Variants in GGH observed in about 807,000 individuals in gnomAD.
GGH encodes the protein gamma-glutamyl hydrolase.
A neutral mutation model predicts 39.2 loss-of-function variants in GGH; 18 were observed. That is an observed-to-expected ratio of 0.46 (90% CI 0.32 to 0.68). The LOEUF is 0.68. Ranked by LOEUF, GGH falls within the 30% of genes least tolerant of loss-of-function variation. GGH has a pLI of 0.04. For synonymous variants in GGH, 147 were observed against 138.8 expected (o/e 1.06, Z -0.42); for missense variants, 367 against 384.1 (o/e 0.96, Z 0.37).
chr8:63,026,374 C>G (rs1328087783), intron 4 of GGH, 78 bp from the exon 5 acceptor site: 1 of 1,063,694 alleles, frequency 9.4e-7, no homozygotes, highest in Non-Finnish European at 1.4e-6. Context: ...TTTGTCATAA[C>G]CAAATAGGCA....
At chr8:63,027,054 A>G in intron 4 of GGH, 127 bp downstream of exon 4, 1 of 688,522 alleles carries the variant, frequency 1.5e-6, no homozygotes. Flanking sequence ...AGGCACCTCA[A>G]AATTAAAGGT....
intron 7 of GGH, among the ~76,000 whole-genome samples, chr8:63,018,592 C>T (rs1300431038): frequency 6.6e-6 from 1 of 152,172 alleles, no homozygotes; most frequent in African/African-American, 2.4e-5. Flanking sequence ...GAAACACCTG[C>T]CTCATGCAGC....
rs1804703085 is a variant in GGH, at chr8:63,027,207, T to C, written c.334A>G (p.Lys112Glu). ...TGTATGGACAAGTTATAAAATATTTTGGCCACTTTAGCATAATCTGAGCGT... is the reference window on the plus strand; with the variant it reads ...TGTATGGACAAGTTATAAAATATTTCGGCCACTTTAGCATAATCTGAGCGT... ...LRRSDYAKVA[K>E]IFYNLSIQSF... The change falls in exon 4 of 9, where the codon AAA becomes GAA. Residue 112 changes from lysine (K) to glutamate (E), a missense_variant. Coordinates refer to ENST00000260118, the MANE Select transcript of GGH (RefSeq NM_003878.3). 2 of 1,541,098 alleles carry C rather than the reference T, an allele frequency of 1.3e-6. No individual in the cohort carries two copies. The highest frequency in any genetic ancestry group is 1.8e-6 in the Non-Finnish European group (2 of 1,113,718).
At chr8:63,021,244 T>C (rs957470493) in intron 7 of GGH, among the ~76,000 whole-genome samples, 2 of 152,254 alleles carry the variant, frequency 1.3e-5, no homozygotes, top group African/African-American at 2.4e-5. Flanking sequence ...CTGATTTTAA[T>C]AGCTGTATAG....
intron 5 of GGH, among the ~76,000 whole-genome samples, chr8:63,025,782 G>A (rs1180363459): frequency 1.3e-5 from 2 of 152,028 alleles, no homozygotes; most frequent in East Asian, 1.9e-4. Context: ...ACCCCTAAGC[G>A]TTATTAGACC....
chr8:63,021,075 C>G (rs932036805), intron 7 of GGH, among the ~76,000 whole-genome samples: 2 of 152,170 alleles, frequency 1.3e-5, no homozygotes, highest in Non-Finnish European at 1.5e-5. Flanking sequence ...ATTCATCACC[C>G]CAACCTTTCC....
Position 63,038,596 on chromosome 8 carries a change from G to C in GGH, c.109+64C>G, listed in dbSNP as rs984309426. ...ACGCGCCAGCTGGAGCGCGGCGGCG[G>C]GAGGCGCCCAGCGCCAACACCCAGC... is the stretch of plus-strand genomic sequence containing the variant. On this transcript the variant is annotated intron_variant, in intron 1 of 8. Transcript: ENST00000260118. The C allele has an allele frequency of 5.9e-6, 5 of 846,818 alleles. No homozygotes were observed. The African/African-American group carries it at 8.8e-5, about 15-fold the overall frequency. The allele number at this position is 846,818 out of a possible 1,614,324, so 52.5% of individuals were successfully genotyped here.
intron 7 of GGH, among the ~76,000 whole-genome samples, chr8:63,020,797 C>T (rs1804571462): frequency 2.0e-5 from 3 of 152,160 alleles, no homozygotes; most frequent in African/African-American, 4.8e-5. Context: ...TAAATCTAGA[C>T]TTCATCCTCC....
At chr8:63,026,107 C>G in intron 5 of GGH, 51 bp downstream of exon 5, 1 of 1,448,098 alleles carries the variant, frequency 6.9e-7, no homozygotes, top group Non-Finnish European at 9.3e-7. Context: ...TTGCTACTTA[C>G]TAATCCTGCC....
intron 7 of GGH, chr8:63,023,678 T>C: frequency 3.2e-6 from 1 of 308,566 alleles, no homozygotes; most frequent in Non-Finnish European, 5.9e-6. Flanking sequence ...TCTTCATCCT[T>C]GCCCCCTTTA....
At chr8:63,024,814 C>G (rs894399329) in intron 5 of GGH, 1 of 152,226 alleles carries the variant, frequency 6.6e-6, no homozygotes, top group Non-Finnish European at 1.5e-5. Flanking sequence ...TTACTAGAGA[C>G]TTCCATGAAA....
At chr8:63,025,979 G>C (rs944520825) in intron 5 of GGH, among the ~76,000 whole-genome samples, 179 bp downstream of exon 5, 3 of 152,164 alleles carry the variant, frequency 2.0e-5, no homozygotes, top group African/African-American at 7.2e-5. Flanking sequence ...ATGAGTACAA[G>C]GATGGTCATT....
At chr8:63,021,830 C>T (rs556078776) in intron 7 of GGH, among the ~76,000 whole-genome samples, 4 of 151,918 alleles carry the variant, frequency 2.6e-5, no homozygotes, top group East Asian at 1.9e-4. Context: ...TGCGCCACCA[C>T]GCCTGGCTAA....
chr8:63,026,899 G>A, intron 4 of GGH: 2 of 349,628 alleles, frequency 5.7e-6, no homozygotes, highest in South Asian at 1.0e-4. Context: ...AGGACAGAGA[G>A]AGACATCAGA....
At chr8:63,018,714 C>T (rs1375703039) in intron 7 of GGH, among the ~76,000 whole-genome samples, 1 of 152,116 alleles carries the variant, frequency 6.6e-6, no homozygotes, top group African/African-American at 2.4e-5. Context: ...GGCTGGGGGA[C>T]TAGGAAATTG....
chr8:63,020,974 G>A (rs1332437692), intron 7 of GGH, among the ~76,000 whole-genome samples: 4 of 152,220 alleles, frequency 2.6e-5, no homozygotes, highest in East Asian at 1.9e-4. Context: ...AAGGTACATC[G>A]GATTGGGAGG....
rs1478249833 is a variant in GGH at position 63,017,623 on chromosome 8, C to T, written c.705G>A (p.Lys235=). ...GCCACTGGACACCATATACTGGATA[C>T]TTATATCCTGTAAGAAGAACACAAA... ...IEFISTMEGY[K]YPVYGVQWHP... Residue 235 remains lysine (K), a synonymous_variant, in exon 8 of 9, where the codon AAG becomes AAA. Coordinates refer to ENST00000260118, the MANE Select transcript of GGH (RefSeq NM_003878.3). The T allele has an allele frequency of 4.5e-6, 7 of 1,572,570 alleles. No homozygotes were observed. The highest frequency in any genetic ancestry group is 6.1e-6 in the Non-Finnish European group (7 of 1,151,792).
chr8:63,034,810 C>T (rs1804871895), intron 2 of GGH, among the ~76,000 whole-genome samples: 1 of 152,150 alleles, frequency 6.6e-6, no homozygotes, highest in East Asian at 1.9e-4. Flanking sequence ...TAAAAACCTC[C>T]TTCATTCCCT....
At chr8:63,017,752 T>A in intron 7 of GGH, 122 bp from the exon 8 acceptor site, 1 of 591,582 alleles carries the variant, frequency 1.7e-6, no homozygotes, top group Non-Finnish European at 2.9e-6. Context: ...GGTAAAATTG[T>A]ACATATTCTC....
Sources: gnomAD v4.1 joint callset for allele counts (sites outside exome capture counted in the v4.1 genomes callset) on GRCh38, gnomAD v4.1.1 for gene constraint, MANE v1.5 for transcripts, NCBI Gene and HGNC (gene_info 2026-07-23, HGNC 2026-07-21) for gene names.